Variants in CDH13 observed in about 807,000 individuals in gnomAD.
CDH13 encodes the protein cadherin-13.
In CDH13, 24 loss-of-function variants were observed where a neutral mutation model predicts 63.8. The ratio of observed to expected loss-of-function variants is 0.38; its 90% CI spans 0.27 to 0.53. CDH13 has a LOEUF of 0.53. Ranked by LOEUF, CDH13 falls within the 20% of genes least tolerant of loss-of-function variation. The pLI, the probability that CDH13 is intolerant of heterozygous loss-of-function variation, is 0.85. For synonymous variants in CDH13, 503 were observed against 355.3 expected, an observed-to-expected ratio of 1.42 and a Z score of -4.67; for missense variants, 1,049 against 903.1, an observed-to-expected ratio of 1.16 and a Z score of -2.07.
At chr16:82,655,322 C>G (rs1911173978) in intron 1 of CDH13, among the ~76,000 whole-genome samples, 3 of 152,126 alleles carry the variant, frequency 2.0e-5, no homozygotes, top group African/African-American at 4.8e-5. Context: ...CGAAGGTGCT[C>G]CTTGTGATAG....
chr16:83,225,867 TATA>T (rs1281090146), intron 5 of CDH13, among the ~76,000 whole-genome samples: 1 of 152,228 alleles, frequency 6.6e-6, no homozygotes, highest in African/African-American at 2.4e-5. Context: ...TAGGAATTAA[TATA>T]ATGATACCAA....
intron 6 of CDH13, among the ~76,000 whole-genome samples, chr16:83,476,665 C>T (rs554771691): frequency 1.0e-3 from 155 of 152,062 alleles, no homozygotes; most frequent in African/African-American, 3.0e-3. Context: ...AGTGACAAAG[C>T]GAGACTGTCT....
At chr16:83,459,538 T>A (rs1259870705) in intron 6 of CDH13, among the ~76,000 whole-genome samples, 1 of 152,234 alleles carries the variant, frequency 6.6e-6, no homozygotes, top group Non-Finnish European at 1.5e-5. Flanking sequence ...CATTTTTATC[T>A]TGAAGCAAGC....
At chr16:83,782,055 C>T (rs183161225) in intron 12 of CDH13, among the ~76,000 whole-genome samples, 2 of 152,258 alleles carry the variant, frequency 1.3e-5, no homozygotes, top group East Asian at 3.9e-4. Context: ...CTCCTGTCAC[C>T]TTCTGGTAAT....
chr16:82,818,781 C>G (rs948186972), intron 1 of CDH13, among the ~76,000 whole-genome samples: 9 of 152,174 alleles, frequency 5.9e-5, no homozygotes, highest in Admixed American at 1.3e-4. Context: ...CTGTAAAGGC[C>G]TTTCTCTCTG....
chr16:82,854,208 G>T (rs529775219), intron 1 of CDH13, among the ~76,000 whole-genome samples: 21 of 152,038 alleles, frequency 1.4e-4, no homozygotes, highest in Non-Finnish European at 2.8e-4. Flanking sequence ...GACCACCCTG[G>T]CCAACATGTT....
intron 4 of CDH13, among the ~76,000 whole-genome samples, chr16:83,215,696 G>C (rs2039480046): frequency 6.6e-6 from 1 of 152,044 alleles, no homozygotes; most frequent in African/African-American, 2.4e-5. Flanking sequence ...GAGAGGGCAG[G>C]TTTCCTGTCT....
intron 3 of CDH13, among the ~76,000 whole-genome samples, chr16:83,038,684 C>T (rs553439977): frequency 1.3e-4 from 20 of 152,158 alleles, no homozygotes; most frequent in Non-Finnish European, 2.4e-4. Flanking sequence ...GCGTGTTCGC[C>T]TTGTATGTAG....
intron 2 of CDH13, among the ~76,000 whole-genome samples, chr16:82,901,570 G>C (rs905983241): frequency 6.6e-6 from 1 of 152,062 alleles, no homozygotes. Context: ...GTTCTAGAAG[G>C]CACCCTGAAA....
chr16:83,530,822 C>A (rs947843280), intron 7 of CDH13, among the ~76,000 whole-genome samples: 1 of 152,184 alleles, frequency 6.6e-6, no homozygotes, highest in African/African-American at 2.4e-5. Context: ...ATGACATTTA[C>A]CAGTAACTAG....
At chr16:82,831,455 T>C (rs773215222) in intron 1 of CDH13, among the ~76,000 whole-genome samples, 3 of 152,172 alleles carry the variant, frequency 2.0e-5, no homozygotes, top group Non-Finnish European at 4.4e-5. Context: ...TAACTATTGC[T>C]TAATAAATGC....
At chr16:83,295,080 A>C (rs552079167) in intron 5 of CDH13, among the ~76,000 whole-genome samples, 1 of 152,198 alleles carries the variant, frequency 6.6e-6, no homozygotes, top group Non-Finnish European at 1.5e-5. Flanking sequence ...AAACTCATGC[A>C]TCTATGGCCA....
chr16:83,434,089 A>C (rs2072211016), intron 6 of CDH13, among the ~76,000 whole-genome samples: 1 of 152,128 alleles, frequency 6.6e-6, no homozygotes, highest in Admixed American at 6.5e-5. Flanking sequence ...GTGCAGAATA[A>C]ATTGTCCAAA....
intron 10 of CDH13, among the ~76,000 whole-genome samples, chr16:83,711,742 C>G (rs938929217): frequency 2.0e-5 from 3 of 152,136 alleles, no homozygotes; most frequent in African/African-American, 7.2e-5. Context: ...GTCTCGAACT[C>G]CTGACCTTAA....
intron 6 of CDH13, among the ~76,000 whole-genome samples, chr16:83,458,655 CA>C (rs748953180): frequency 2.6e-5 from 4 of 152,138 alleles, no homozygotes; most frequent in Non-Finnish European, 5.9e-5. Context: ...CTTTTTCAGC[CA>C]TCTTCCTGTT....
intron 2 of CDH13, among the ~76,000 whole-genome samples, chr16:82,936,828 G>A (rs920854528): frequency 1.6e-5 from 2 of 123,214 alleles, no homozygotes; most frequent in Non-Finnish European, 3.1e-5. Flanking sequence ...AACAGGTGGG[G>A]AGTGGGGGAG....
chr16:83,112,708 A>G, intron 3 of CDH13, among the ~76,000 whole-genome samples: 1 of 152,220 alleles, frequency 6.6e-6, no homozygotes. Context: ...GTCAAAAAGC[A>G]TGAACACTTT....
At chr16:83,194,446 G>A (rs16959724) in intron 4 of CDH13, among the ~76,000 whole-genome samples, 2,335 of 152,320 alleles carry the variant, frequency 0.015, 86 homozygotes, top group South Asian at 0.12. Flanking sequence ...GAGAAAACCC[G>A]ATTAGGAAGG....
intron 1 of CDH13, among the ~76,000 whole-genome samples, chr16:82,652,402 A>G (rs913980292): frequency 2.0e-5 from 3 of 152,222 alleles, no homozygotes; most frequent in African/African-American, 7.2e-5. Context: ...ACCTCTCGTT[A>G]TATATCTTCT....
Sources: gnomAD v4.1 joint callset for allele counts (sites outside exome capture counted in the v4.1 genomes callset) on GRCh38, gnomAD v4.1.1 for gene constraint, MANE v1.5 for transcripts, NCBI Gene and HGNC (gene_info 2026-07-23, HGNC 2026-07-21) for gene names.